Variants in KLRG1 observed in about 807,000 individuals in gnomAD.
KLRG1 encodes killer cell lectin like receptor G1, also known as killer cell lectin-like receptor subfamily G member 1.
A neutral mutation model predicts 21.8 loss-of-function variants in KLRG1; 16 were observed. That is an observed-to-expected ratio of 0.73 (90% confidence interval 0.50 to 1.11). KLRG1 has a LOEUF of 1.11. Among genes scored for constraint, KLRG1 ranks in the 50% most tolerant of loss-of-function variants. KLRG1 has a pLI of 0.00. For synonymous variants in KLRG1, 69 were observed against 75.9 expected (o/e 0.91, Z 0.47); for missense variants, 173 against 218.3 (o/e 0.79, Z 1.31).
downstream of KLRG1, among the ~76,000 whole-genome samples, chr12:9,015,204 A>C (rs1339437709): frequency 6.6e-6 from 1 of 152,192 alleles, no homozygotes; most frequent in Non-Finnish European, 1.5e-5. Flanking sequence ...CTCCAATCAA[A>C]AGACAGAGTG....
the KLRG1 span, among the ~76,000 whole-genome samples, chr12:9,185,955 G>A: frequency 6.6e-6 from 1 of 151,682 alleles, no homozygotes. Context: ...CTACAGGCGT[G>A]CACCATCACA....
chr12:9,008,620 C>T (rs1307768555), intron 3 of KLRG1, among the ~76,000 whole-genome samples: 1 of 151,044 alleles, frequency 6.6e-6, no homozygotes, highest in East Asian at 1.9e-4. Flanking sequence ...TTCTGGCTTG[C>T]ACATGGCTGC....
chr12:9,093,489 C>T, the KLRG1 span: 3 of 1,613,838 alleles, frequency 1.9e-6, no homozygotes, highest in Non-Finnish European at 2.5e-6. Context: ...ATCCCAGATC[C>T]ATGTCTCAGG....
Sources: gnomAD v4.1 joint callset for allele counts (sites outside exome capture counted in the v4.1 genomes callset) on GRCh38, gnomAD v4.1.1 for gene constraint, MANE v1.5 for transcripts, NCBI Gene and HGNC (gene_info 2026-07-23, HGNC 2026-07-21) for gene names.